TRPC6: variants seen among roughly 807,000 people sequenced by gnomAD.
TRPC6 encodes short transient receptor potential channel 6.
In TRPC6, 55 loss-of-function variants were observed where a neutral mutation model predicts 90.7. That is an observed-to-expected ratio of 0.61 (90% CI 0.49 to 0.76). The LOEUF is 0.76. Among genes scored for constraint, TRPC6 ranks in the 30% least tolerant of loss-of-function variants. TRPC6 has a pLI of 0.00. For synonymous variants in TRPC6, 393 were observed against 393.0 expected (o/e 1.00, Z 0.00); for missense variants, 989 against 1,122.7 (o/e 0.88, Z 1.70).
intron 6 of TRPC6, among the ~76,000 whole-genome samples, 186 bp downstream of exon 6, chr11:101,476,115 G>C (rs184215216): frequency 4.3e-4 from 66 of 152,262 alleles, no homozygotes; most frequent in Non-Finnish European, 7.8e-4. Flanking sequence ...TTTCCAGGGA[G>C]TAGAAAAATC....
intron 1 of TRPC6, among the ~76,000 whole-genome samples, chr11:101,549,664 A>T (rs1193593467): frequency 2.0e-5 from 3 of 151,276 alleles, no homozygotes; most frequent in Admixed American, 2.0e-4. Flanking sequence ...AGGGATAAAA[A>T]AGAAAACTTG....
chr11:101,489,497 A>G (rs1859754841), intron 3 of TRPC6, among the ~76,000 whole-genome samples: 2 of 152,122 alleles, frequency 1.3e-5, no homozygotes, highest in Non-Finnish European at 2.9e-5. Flanking sequence ...TCCTGCATTG[A>G]TCTAAAATGT....
At chr11:101,512,004 CAAAT>C (rs1860405206) in intron 1 of TRPC6, among the ~76,000 whole-genome samples, 1 of 151,946 alleles carries the variant, frequency 6.6e-6, no homozygotes, top group Non-Finnish European at 1.5e-5. Flanking sequence ...AAAAACAAAA[CAAAT>C]AAAAATAAAA....
intron 1 of TRPC6, among the ~76,000 whole-genome samples, chr11:101,536,404 C>T (rs555009197): frequency 2.7e-5 from 4 of 149,532 alleles, no homozygotes; most frequent in Non-Finnish European, 5.9e-5. Flanking sequence ...CTCCCTCCCC[C>T]CCACCAAAAA....
intron 1 of TRPC6, among the ~76,000 whole-genome samples, chr11:101,560,391 A>C (rs10219300): frequency 0.23 from 34,701 of 151,976 alleles, 4,294 homozygotes; most frequent in Middle Eastern, 0.34. Context: ...ATTTTATGTA[A>C]GGCTGCTCTC....
chr11:101,458,198 T>C (rs1858928163), intron 10 of TRPC6, among the ~76,000 whole-genome samples: 1 of 152,154 alleles, frequency 6.6e-6, no homozygotes, highest in African/African-American at 2.4e-5. Context: ...CACACCATCA[T>C]AAAGGTGAAA....
At chr11:101,544,548 C>T (rs1465198519) in intron 1 of TRPC6, among the ~76,000 whole-genome samples, 1 of 152,034 alleles carries the variant, frequency 6.6e-6, no homozygotes, top group East Asian at 1.9e-4. Flanking sequence ...TAGTATGCAG[C>T]CATAAAAAAG....
In TRPC6 at chr11:101,489,202, A is replaced by G. The variant is rs1035787683; in HGVS notation, c.1129-101T>C. 9 of 1,048,206 alleles carry G rather than the reference A, an allele frequency of 8.6e-6. No individual in the cohort carries two copies. In the African/African-American group the frequency reaches 1.3e-4, roughly 15 times the overall value. The allele number at this position is 1,048,206 out of a possible 1,614,324, so 64.9% of individuals were successfully genotyped here. A position where few individuals can be genotyped will look rare whatever the true frequency, so the allele number is the denominator to read the frequency against. On this transcript the variant is annotated intron_variant, in intron 3 of 12. Coordinates refer to ENST00000344327, the MANE Select transcript of TRPC6 (RefSeq NM_004621.6). ...AGTTCCATGCTTTCCAATGAAATACATTGTTAGAATTAAAGAACAAACATA... is the reference window on the plus strand; with the variant it reads ...AGTTCCATGCTTTCCAATGAAATACGTTGTTAGAATTAAAGAACAAACATA...
intron 1 of TRPC6, among the ~76,000 whole-genome samples, chr11:101,534,343 C>T (rs1344038154): frequency 6.6e-6 from 1 of 152,094 alleles, no homozygotes; most frequent in African/African-American, 2.4e-5. Context: ...ACCATGTTGG[C>T]CAGGCTGGTC....
chr11:101,454,941 A>G, intron 11 of TRPC6, 77 bp downstream of exon 11: 2 of 1,107,904 alleles, frequency 1.8e-6, no homozygotes, highest in Non-Finnish European at 2.7e-6. Flanking sequence ...ATATCCTGAT[A>G]CTTTAAAGAA....
At chr11:101,472,047 C>G in intron 8 of TRPC6, 90 bp downstream of exon 8, 1 of 1,283,236 alleles carries the variant, frequency 7.8e-7, no homozygotes, top group Non-Finnish European at 1.1e-6. Context: ...GGGCGAAGAG[C>G]AGTCCATGCT....
At chr11:101,541,465 G>C (rs374118367) in intron 1 of TRPC6, among the ~76,000 whole-genome samples, 53 of 152,258 alleles carry the variant, frequency 3.5e-4, no homozygotes, top group African/African-American at 1.2e-3. Flanking sequence ...GGTTTCAAGC[G>C]ATTCTCCTGC....
In TRPC6 at chr11:101,533,750, C is replaced by T. The variant is rs574665106; in HGVS notation, c.171-28952G>A. Among the ~76,000 whole-genome samples, 59 of 152,194 alleles carry T rather than the reference C, an allele frequency of 3.9e-4. 1 individual carries two copies. Among genetic ancestry groups the T allele is most frequent in the African/African-American group, 1.3e-3 (55 of 41,530 alleles). ...TCAGTTTATAAACAGGGACTTCTAT[C>T]TTTCTCCCCATTCCTTTATTCTAAC... On this transcript the variant is annotated intron_variant, in intron 1 of 12. Coordinates refer to ENST00000344327, the MANE Select transcript of TRPC6 (RefSeq NM_004621.6).
chr11:101,511,495 T>C (rs181468648), intron 1 of TRPC6, among the ~76,000 whole-genome samples: 1 of 152,224 alleles, frequency 6.6e-6, no homozygotes, highest in East Asian at 1.9e-4. Context: ...TGCAAACGAC[T>C]ACAATGTACA....
chr11:101,525,064 C>T (rs1860747349), intron 1 of TRPC6, among the ~76,000 whole-genome samples: 1 of 152,164 alleles, frequency 6.6e-6, no homozygotes, highest in Non-Finnish European at 1.5e-5. Context: ...GTTTAAAAGT[C>T]TGGTGCCAGT....
At chr11:101,533,901 T>A (rs1383599836) in intron 1 of TRPC6, among the ~76,000 whole-genome samples, 1 of 152,126 alleles carries the variant, frequency 6.6e-6, no homozygotes, top group Non-Finnish European at 1.5e-5. Context: ...GGCTCCATAA[T>A]GTATTGGCTT....
At chr11:101,517,269 C>T (rs780180986) in intron 1 of TRPC6, among the ~76,000 whole-genome samples, 2 of 152,182 alleles carry the variant, frequency 1.3e-5, no homozygotes, top group Non-Finnish European at 2.9e-5. Context: ...TAAAGCAAAT[C>T]TAGTTGACTA....
intron 1 of TRPC6, among the ~76,000 whole-genome samples, chr11:101,516,021 G>A (rs1175288176): frequency 6.6e-6 from 1 of 151,458 alleles, no homozygotes; most frequent in Non-Finnish European, 1.5e-5. Context: ...GGAAATGTTT[G>A]GAGATCACTC....
At chr11:101,502,738 G>A (rs1216346737) in intron 2 of TRPC6, among the ~76,000 whole-genome samples, 1 of 152,162 alleles carries the variant, frequency 6.6e-6, no homozygotes, top group Non-Finnish European at 1.5e-5. Flanking sequence ...GGTAGCTGGA[G>A]GAAAAGCACC....
Sources: allele counts gnomAD v4.1 joint callset (sites outside exome capture counted in the v4.1 genomes callset), GRCh38; gene constraint gnomAD v4.1.1; transcripts MANE v1.5; gene names NCBI Gene and HGNC (gene_info 2026-07-23, HGNC 2026-07-21).